The following C3orf49 variants were observed in gnomAD, a reference collection of about 807,000 sequenced individuals.
C3orf49 encodes the protein chromosome 3 open reading frame 49.
C3orf49 carries 27 observed loss-of-function variants against 13.3 expected under a neutral mutation model. That is an observed-to-expected ratio of 2.02 (90% CI 1.49 to 2.79). The LOEUF (loss-of-function observed/expected upper bound fraction) is 2.79, where lower values mean the gene tolerates loss of function less well. Ranked by LOEUF, C3orf49 falls within the 30% of genes most tolerant of loss-of-function variation. The pLI is 0.00. For missense variants in C3orf49, 242 were observed against 134.2 expected (o/e 1.80, Z -3.97); for synonymous variants, 87 against 47.6 (o/e 1.83, Z -3.40).
At chr3:63,838,593 T>A in intron 5 of C3orf49, 1 of 1,233,842 alleles carries the variant, frequency 8.1e-7, no homozygotes, top group Non-Finnish European at 1.1e-6. Flanking sequence ...AATTAAATTA[T>A]AGCAAGTTCT....
intron 5 of C3orf49, among the ~76,000 whole-genome samples, chr3:63,832,489 T>G (rs1701547662): frequency 1.3e-5 from 2 of 151,714 alleles, no homozygotes; most frequent in Non-Finnish European, 2.9e-5. Context: ...TGAGAATCTG[T>G]CACTACGAAA....
chr3:63,810,193 CTAATA>C, the C3orf49 span, among the ~76,000 whole-genome samples: 1 of 148,778 alleles, frequency 6.7e-6, no homozygotes, highest in African/African-American at 2.6e-5. Context: ...TTGTGCCAAC[CTAATA>C]TAATGTCACT....
At chr3:63,820,188 C>T (rs1281425382) in intron 1 of C3orf49, among the ~76,000 whole-genome samples, 3 of 152,146 alleles carry the variant, frequency 2.0e-5, no homozygotes, top group Non-Finnish European at 4.4e-5. Flanking sequence ...GGGCTTCTCT[C>T]TTACCAGGTC....
At chr3:63,843,641 C>G (rs1470497008) in intron 5 of C3orf49, among the ~76,000 whole-genome samples, 1 of 152,148 alleles carries the variant, frequency 6.6e-6, no homozygotes, top group African/African-American at 2.4e-5. Context: ...TGGCTCACGC[C>G]TGTAATCCCA....
the C3orf49 span, among the ~76,000 whole-genome samples, chr3:63,810,325 T>G: frequency 3.3e-5 from 5 of 152,120 alleles, no homozygotes; most frequent in African/African-American, 1.2e-4. Flanking sequence ...CCTATCCCCC[T>G]CCCACTTAAA....
the C3orf49 span, among the ~76,000 whole-genome samples, chr3:63,793,225 A>G: frequency 7.2e-5 from 11 of 152,310 alleles, no homozygotes; most frequent in South Asian, 2.1e-3. Flanking sequence ...ATTATAATCA[A>G]TGCAGACTAT....
At chr3:63,803,715 C>G in the C3orf49 span, among the ~76,000 whole-genome samples, 1 of 152,140 alleles carries the variant, frequency 6.6e-6, no homozygotes, top group Non-Finnish European at 1.5e-5. Flanking sequence ...TCTCTTATAA[C>G]AGCAGTCCCC....
the C3orf49 span, among the ~76,000 whole-genome samples, chr3:63,783,586 C>T: frequency 9.3e-5 from 14 of 150,498 alleles, no homozygotes; most frequent in South Asian, 2.1e-3. Flanking sequence ...GGTGTGGTGG[C>T]GGGCACATGT....
At chr3:63,833,396 G>C (rs1701560307) in intron 5 of C3orf49, among the ~76,000 whole-genome samples, 1 of 152,060 alleles carries the variant, frequency 6.6e-6, no homozygotes, top group Non-Finnish European at 1.5e-5. Flanking sequence ...ACCATGCCTG[G>C]CCTACGCAAA....
chr3:63,786,036 A>G, the C3orf49 span: 1 of 152,180 alleles, frequency 6.6e-6, no homozygotes, highest in African/African-American at 2.4e-5. Context: ...CGATGCTGTC[A>G]ATTATAAAGC....
At chr3:63,822,852 A>T (rs1701416177) in intron 1 of C3orf49, among the ~76,000 whole-genome samples, 1 of 152,236 alleles carries the variant, frequency 6.6e-6, no homozygotes, top group South Asian at 2.1e-4. Flanking sequence ...AGCAAAAACT[A>T]TGTCAAACTA....
At chr3:63,845,430 C>T (rs976611825) in intron 6 of C3orf49, among the ~76,000 whole-genome samples, 8 of 152,068 alleles carry the variant, frequency 5.3e-5, no homozygotes, top group African/African-American at 1.2e-4. Flanking sequence ...GACAGAAATA[C>T]GGGTTGCATC....
At chr3:63,780,204 T>C in the C3orf49 span, among the ~76,000 whole-genome samples, 6 of 152,198 alleles carry the variant, frequency 3.9e-5, no homozygotes, top group Non-Finnish European at 8.8e-5. Context: ...TGTGTTCTCA[T>C]TGTTCAATTC....
At chr3:63,801,901 G>T in the C3orf49 span, among the ~76,000 whole-genome samples, 3 of 152,116 alleles carry the variant, frequency 2.0e-5, no homozygotes, top group Admixed American at 6.6e-5. Context: ...TGTCCATTTT[G>T]CTCCCTAGCA....
At chr3:63,799,405 C>A in the C3orf49 span, among the ~76,000 whole-genome samples, 1 of 151,996 alleles carries the variant, frequency 6.6e-6, no homozygotes, top group Non-Finnish European at 1.5e-5. Flanking sequence ...AGCAAGTATC[C>A]AATAGCATTA....
At chr3:63,810,379 G>A in the C3orf49 span, among the ~76,000 whole-genome samples, 1 of 152,128 alleles carries the variant, frequency 6.6e-6, no homozygotes, top group Admixed American at 6.6e-5. Flanking sequence ...GTTCCTCGCT[G>A]TATGCTCAGT....
At chr3:63,802,338 T>C in the C3orf49 span, among the ~76,000 whole-genome samples, 1 of 152,208 alleles carries the variant, frequency 6.6e-6, no homozygotes. Context: ...CAAACAAGCA[T>C]ATATGCTGCA....
the C3orf49 span, among the ~76,000 whole-genome samples, chr3:63,810,145 CA>C: frequency 1.9e-3 from 267 of 138,944 alleles, 2 homozygotes; most frequent in Non-Finnish European, 1.3e-3. Context: ...GACACCATCT[CA>C]AAAAAAAAAA....
intron 2 of C3orf49, among the ~76,000 whole-genome samples, chr3:63,823,948 G>A (rs771982233): frequency 2.6e-5 from 4 of 151,952 alleles, no homozygotes; most frequent in South Asian, 2.1e-4. Context: ...CTACAGGAGC[G>A]TGCCACCACA....
Sources: gnomAD v4.1 joint callset for allele counts (sites outside exome capture counted in the v4.1 genomes callset) on GRCh38, gnomAD v4.1.1 for gene constraint, MANE v1.5 for transcripts, NCBI Gene and HGNC (gene_info 2026-07-23, HGNC 2026-07-21) for gene names.